CCDC126: variants seen among roughly 807,000 people sequenced by gnomAD.
CCDC126 encodes the protein coiled-coil domain-containing protein 126.
Under a neutral mutation model 11.7 loss-of-function variants are expected in CCDC126, and 5 were observed. The ratio of observed to expected loss-of-function variants is 0.43; its 90% CI spans 0.22 to 0.90. The LOEUF is 0.90. Ranked by LOEUF, CCDC126 falls within the 40% of genes least tolerant of loss-of-function variation. The pLI, the probability that CCDC126 is intolerant of heterozygous loss-of-function variation, is 0.27. For synonymous variants in CCDC126, 60 were observed against 61.9 expected (o/e 0.97, Z 0.14); for missense variants, 150 against 163.1 (o/e 0.92, Z 0.44).
At chr7:23,633,908 C>T (rs1421965449) in intron 3 of CCDC126, among the ~76,000 whole-genome samples, 2 of 152,142 alleles carry the variant, frequency 1.3e-5, no homozygotes, top group African/African-American at 4.8e-5. Flanking sequence ...TTCTTGCTTG[C>T]ACCATTAAGC....
chr7:23,639,483 G>A (rs986963396), intron 3 of CCDC126, among the ~76,000 whole-genome samples: 1 of 152,124 alleles, frequency 6.6e-6, no homozygotes, highest in Admixed American at 6.5e-5. Context: ...GGGATTACAG[G>A]CGTGAGCCAT....
intron 3 of CCDC126, among the ~76,000 whole-genome samples, chr7:23,613,079 G>A (rs1782743458): frequency 6.6e-6 from 1 of 152,176 alleles, no homozygotes; most frequent in Non-Finnish European, 1.5e-5. Context: ...GGGAGGCTGA[G>A]GTAGGTGGAT....
Position 23,617,763 on chromosome 7 carries a change from AT to A in CCDC126, c.238+6211del, listed in dbSNP as rs559991471. On this transcript the variant is annotated intron_variant, in intron 3 of 3. Coordinates refer to ENST00000307471, the MANE Select transcript of CCDC126 (RefSeq NM_138771.4). ...CAAATTTGTGGGTTATTACCTCCTT[AT>A]GTTTGACAATTCACTAGATTGACCT... Among the ~76,000 whole-genome samples the A allele has an allele frequency of 7.6e-4, 115 of 152,244 alleles. 1 individual carries two copies. Among genetic ancestry groups the A allele is most frequent in the Non-Finnish European group, 1.3e-3 (87 of 68,006 alleles).
chr7:23,598,260 C>G (rs1782464153), intron 2 of CCDC126: 1 of 152,180 alleles, frequency 6.6e-6, no homozygotes, highest in Non-Finnish European at 1.5e-5. Context: ...CCTATAACGT[C>G]ATTAGTTCTT....
At chr7:23,603,435 AC>A (rs771429158) in intron 2 of CCDC126, among the ~76,000 whole-genome samples, 1 of 152,210 alleles carries the variant, frequency 6.6e-6, no homozygotes, top group Non-Finnish European at 1.5e-5. Context: ...TTCATTTAAT[AC>A]AGTTTATTCC....
chr7:23,642,462 T>A (rs143608494), intron 3 of CCDC126, among the ~76,000 whole-genome samples: 97 of 152,194 alleles, frequency 6.4e-4, no homozygotes, highest in African/African-American at 2.3e-3. Flanking sequence ...GTAAATGATG[T>A]TGTTGATTTA....
At chr7:23,634,043 C>T (rs1330814104) in intron 3 of CCDC126, among the ~76,000 whole-genome samples, 1 of 152,182 alleles carries the variant, frequency 6.6e-6, no homozygotes, top group Non-Finnish European at 1.5e-5. Flanking sequence ...AGTTTTATTC[C>T]TTCTGTGTGT....
intron 3 of CCDC126, among the ~76,000 whole-genome samples, chr7:23,639,142 A>G (rs942703792): frequency 5.3e-5 from 8 of 151,822 alleles, no homozygotes; most frequent in Non-Finnish European, 1.0e-4. Flanking sequence ...TGTGGTAAAC[A>G]TCATATATCT....
chr7:23,610,599 CTT>C (rs961351055), intron 2 of CCDC126, among the ~76,000 whole-genome samples: 4 of 152,122 alleles, frequency 2.6e-5, no homozygotes, highest in Non-Finnish European at 5.9e-5. Flanking sequence ...GAAATTATAA[CTT>C]ATTTTTTATC....
chr7:23,611,330 C>A lies in CCDC126; in HGVS notation c.15C>A (p.Ile5=). The part of the protein sequence containing the change: MFFT[I]SRKNMSQKLS... The stretch of plus-strand genomic sequence containing the variant: ...CTTCTTCAGAAATGTTTTTTACAAT[C>A]TCAAGAAAAAATATGTCCCAGAAAT... The change falls in exon 3 of 4, where the codon ATC becomes ATA. Residue 5 remains isoleucine, a synonymous_variant. Coordinates refer to ENST00000307471, the MANE Select transcript of CCDC126 (RefSeq NM_138771.4). 1.2e-6 allele frequency: 2 copies of A among 1,608,210 alleles called. No individual in the cohort carries two copies. Among genetic ancestry groups the A allele is most frequent in the East Asian group, 2.2e-5 (1 of 44,698 alleles).
intron 2 of CCDC126, among the ~76,000 whole-genome samples, chr7:23,598,766 A>T (rs750881542): frequency 9.9e-5 from 15 of 152,206 alleles, no homozygotes; most frequent in Admixed American, 2.6e-4. Flanking sequence ...TGTTGGTGTT[A>T]TTTAGTGCAG....
chr7:23,637,279 C>T lies in CCDC126; in HGVS notation c.239-5652C>T, dbSNP rs1388038077. 6.2e-4 allele frequency among the ~76,000 whole-genome samples: 13 copies of T among 21,086 alleles called. 1 individual carries two copies. Among genetic ancestry groups the T allele is most frequent in the African/African-American group, 2.8e-3 (13 of 4,642 alleles). 13.8% of individuals were successfully genotyped at this position (21,086 alleles called of 152,430 possible). ...GGGGGGGTCAGCCCCCCGCCCCGGC[C>T]AGCCGCCCCGTCCGGGAGGGAGGTG... On this transcript the variant is annotated intron_variant, in intron 3 of 3. Transcript: ENST00000307471.
chr7:23,633,379 T>G (rs564376327), intron 3 of CCDC126, among the ~76,000 whole-genome samples: 4 of 151,830 alleles, frequency 2.6e-5, no homozygotes, highest in Middle Eastern at 6.8e-3. Context: ...GGTAGCTATA[T>G]TAAAAATACA....
At chr7:23,623,990 TCAGTAGTA>T (rs1230421989) in intron 3 of CCDC126, among the ~76,000 whole-genome samples, 2 of 152,228 alleles carry the variant, frequency 1.3e-5, no homozygotes, top group African/African-American at 2.4e-5. Context: ...ACCTCTGTTT[TCAGTAGTA>T]CATGGTGTAA....
At chr7:23,599,267 T>A (rs1308130418) in intron 2 of CCDC126, among the ~76,000 whole-genome samples, 2 of 152,150 alleles carry the variant, frequency 1.3e-5, no homozygotes, top group African/African-American at 4.8e-5. Flanking sequence ...AATCCCCTCA[T>A]CCAACTTTAT....
intron 2 of CCDC126, among the ~76,000 whole-genome samples, chr7:23,605,721 A>T (rs1488199567): frequency 6.6e-6 from 1 of 152,156 alleles, no homozygotes. Context: ...CTGTTGATGG[A>T]CACTTGGGTT....
rs34492140 is a variant in CCDC126 at position 23,625,649 on chromosome 7, ATTTTTT to A, written c.238+14115_238+14120del. Among the ~76,000 whole-genome samples the A allele has an allele frequency of 4.1e-3, 318 of 77,154 alleles. 1 individual carries two copies. The highest frequency in any genetic ancestry group is 0.017 in the African/African-American group (305 of 17,986). 50.6% of individuals were successfully genotyped at this position (77,154 alleles called of 152,430 possible). A position where few individuals can be genotyped will look rare whatever the true frequency, so the allele number is the denominator to read the frequency against. ...AATTTGTTTATTTCTTATTTGACTG[ATTTTTT>A]TTTTTTTTTTTTTTTTTTGAGGCAG... On this transcript the variant is annotated intron_variant, in intron 3 of 3. Transcript: ENST00000307471.
chr7:23,639,764 ATAAG>A (rs1783320329), intron 3 of CCDC126, among the ~76,000 whole-genome samples: 1 of 152,046 alleles, frequency 6.6e-6, no homozygotes, highest in African/African-American at 2.4e-5. Flanking sequence ...TCTTTTTTTG[ATAAG>A]TATTTTTTGA....
At chr7:23,638,740 A>G (rs1464843343) in intron 3 of CCDC126, among the ~76,000 whole-genome samples, 1 of 139,638 alleles carries the variant, frequency 7.2e-6, no homozygotes, top group East Asian at 2.0e-4. Context: ...AAAAAAAAAA[A>G]AAAAAACCAA....
Sources: allele counts gnomAD v4.1 joint callset (sites outside exome capture counted in the v4.1 genomes callset), GRCh38; gene constraint gnomAD v4.1.1; transcripts MANE v1.5; gene names NCBI Gene and HGNC (gene_info 2026-07-23, HGNC 2026-07-21).